The following BCL11A variants were observed in gnomAD, a reference collection of about 807,000 sequenced individuals.
The protein encoded by BCL11A is B cell CLL/lymphoma 11A.
BCL11A carries 2 observed loss-of-function variants against 55.9 expected under a neutral mutation model. That is an observed-to-expected ratio of 0.04 (90% CI 0.01 to 0.11). The LOEUF (loss-of-function observed/expected upper bound fraction) is 0.11. BCL11A is among the 10% of genes least tolerant of loss of function. The pLI, the probability that BCL11A is intolerant of heterozygous loss-of-function variation, is 1.00. For synonymous variants in BCL11A, 465 were observed against 473.4 expected (o/e 0.98, Z 0.23); for missense variants, 817 against 1,137.1 (o/e 0.72, Z 4.05).
Position 60,546,163 on chromosome 2 carries a change from C to T in BCL11A, c.193G>A (p.Glu65Lys). 1.2e-6 allele frequency: 2 copies of T among 1,614,126 alleles called. No homozygotes were observed. The highest frequency in any genetic ancestry group is 1.7e-6 in the Non-Finnish European group (2 of 1,180,018). Residue 65 changes from glutamate to lysine, a missense_variant, in exon 2 of 4, where the codon GAG (glutamate) becomes AAG (lysine). Coordinates refer to ENST00000642384, the MANE Select transcript of BCL11A (RefSeq NM_022893.4). The surrounding 1 kb of genome is among the most constrained non-coding windows in gnomAD (Gnocchi z 4.1). Reference sequence around the variant, plus strand: ...CCATTGCATTGTTTCCGTTTGTGCTCGATAAAAATAAGAATGTCCCCCAAT... The same window carrying T: ...CCATTGCATTGTTTCCGTTTGTGCTTGATAAAAATAAGAATGTCCCCCAAT... ...FPLGDILIFIEHKRKQCNGSL... is the reference protein window; with the variant it reads ...FPLGDILIFIKHKRKQCNGSL...
At chr2:60,489,846 G>A (rs1678519070) in intron 2 of BCL11A, among the ~76,000 whole-genome samples, 1 of 152,158 alleles carries the variant, frequency 6.6e-6, no homozygotes, top group South Asian at 2.1e-4. Flanking sequence ...CACTATTAAA[G>A]AGAGATCACA....
In BCL11A at chr2:60,546,166, T is replaced by C; in HGVS notation, c.190A>G (p.Ile64Val). Residue 64 changes from isoleucine (I) to valine (V), a missense_variant, in exon 2 of 4, where the codon ATC becomes GTC. Ile to Val is a conservative substitution (Grantham distance 29). Transcript: ENST00000642384. This position sits in a 1 kb window ranked among gnomAD's most constrained non-coding sequence, Gnocchi z 4.1. ...TTGCATTGTTTCCGTTTGTGCTCGA[T>C]AAAAATAAGAATGTCCCCCAATGGG... The part of the protein sequence containing the change: ...NFPLGDILIF[I>V]EHKRKQCNGS... The C allele has an allele frequency of 6.2e-7, 1 of 1,614,188 alleles. No homozygotes were observed. Among genetic ancestry groups the C allele is most frequent in the Non-Finnish European group, 8.5e-7 (1 of 1,180,040 alleles).
chr2:60,491,250 T>A (rs1471250959), intron 2 of BCL11A, among the ~76,000 whole-genome samples: 1 of 152,270 alleles, frequency 6.6e-6, no homozygotes, highest in Admixed American at 6.5e-5. Flanking sequence ...TAAAAACGTA[T>A]TCTTAATGCT....
chr2:60,553,564 A>C lies in BCL11A; in HGVS notation c.-294T>G. The C allele has an allele frequency of 2.5e-6, 1 of 403,758 alleles. No individual in the cohort carries two copies. Among genetic ancestry groups the C allele is most frequent in the Non-Finnish European group, 4.2e-6 (1 of 235,480 alleles). 25.0% of individuals were successfully genotyped at this position (403,758 alleles called of 1,614,324 possible). A position where few individuals can be genotyped will look rare whatever the true frequency, so the allele number is the denominator to read the frequency against. The stretch of plus-strand genomic sequence containing the variant: ...GGGAGAGAGAGAGAGAGAGATGAAA[A>C]AAATGGCAAAAGCCCCCCTGAGCTG... On this transcript the variant is annotated 5_prime_UTR_variant, in exon 1 of 4. Transcript: ENST00000642384.
At chr2:60,482,061 A>ATGCCC in intron 2 of BCL11A, among the ~76,000 whole-genome samples, 1 of 152,186 alleles carries the variant, frequency 6.6e-6, no homozygotes, top group Non-Finnish European at 1.5e-5. Context: ...CCAGTTCATC[A>ATGCCC]AGGTCACTTC....
Position 60,459,656 on chromosome 2 carries a change from T to C in BCL11A, c.*748A>G, listed in dbSNP as rs1360030768. ...TATAACAAGTAGAAAGAACCATCGATGTGGTTTTAATAGATCCAAGGCACT... is the reference window on the plus strand; with the variant it reads ...TATAACAAGTAGAAAGAACCATCGACGTGGTTTTAATAGATCCAAGGCACT... On this transcript the variant is annotated 3_prime_UTR_variant, in exon 4 of 4. Transcript: ENST00000642384. The C allele has an allele frequency of 6.8e-6, 7 of 1,032,908 alleles. No homozygotes were observed. The highest frequency in any genetic ancestry group is 8.2e-6 in the Non-Finnish European group (7 of 858,474). The allele number at this position is 1,032,908 out of a possible 1,614,324, so 64.0% of individuals were successfully genotyped here.
Position 60,541,202 on chromosome 2 carries a change from G to A in BCL11A, c.385+4769C>T, listed in dbSNP as rs554175537. Among the ~76,000 whole-genome samples, 15 of 145,472 alleles carry A rather than the reference G, an allele frequency of 1.0e-4. No homozygotes were observed. In the South Asian group the frequency reaches 2.6e-3, roughly 25 times the overall value. On this transcript the variant is annotated intron_variant, in intron 2 of 3. Transcript: ENST00000642384. ...ACACACAGGATGATCTTCATATCAC[G>A]TGGACCTATTCTCAAAACATTATTT...
At chr2:60,484,963 TA>T (rs542222101) in intron 2 of BCL11A, among the ~76,000 whole-genome samples, 4,707 of 109,954 alleles carry the variant, frequency 0.043, 184 homozygotes, top group African/African-American at 0.12. Context: ...GTTTAGGACT[TA>T]AAAAAAAAAA....
Position 60,468,613 on chromosome 2 carries a change from T to C in BCL11A, c.487+119A>G, listed in dbSNP as rs116155709. 5.2e-3 allele frequency: 3,717 copies of C among 717,250 alleles called. 40 individuals are homozygous for C. Among genetic ancestry groups the C allele is most frequent in the Middle Eastern group, 8.4e-3 (22 of 2,610 alleles). 44.4% of individuals were successfully genotyped at this position (717,250 alleles called of 1,614,324 possible). A position where few individuals can be genotyped will look rare whatever the true frequency, so the allele number is the denominator to read the frequency against. ...GGCTGCCAAGTGAGTAATGGAATAA[T>C]ACATATGACAATCTATTTTGGAAGT... On this transcript the variant is annotated intron_variant, in intron 3 of 3. Transcript: ENST00000642384.
chr2:60,455,044 A>G (rs560097227), downstream of BCL11A, among the ~76,000 whole-genome samples: 1 of 152,330 alleles, frequency 6.6e-6, no homozygotes, highest in African/African-American at 2.4e-5. Context: ...GGTCCTAAAC[A>G]AAGAGAGGAT....
intron 2 of BCL11A, among the ~76,000 whole-genome samples, chr2:60,540,581 T>A (rs1669874356): frequency 6.6e-6 from 1 of 152,170 alleles, no homozygotes; most frequent in South Asian, 2.1e-4. Context: ...CATTGAGAAA[T>A]CACAAAAATC....
chr2:60,468,077 A>ATGG (rs1239648926), intron 3 of BCL11A, among the ~76,000 whole-genome samples: 7 of 97,798 alleles, frequency 7.2e-5, no homozygotes, highest in Non-Finnish European at 1.3e-4. Flanking sequence ...GGTGGTAGTG[A>ATGG]TGGTGGTGGT....
At chr2:60,505,232 A>T (rs1183968023) in intron 2 of BCL11A, among the ~76,000 whole-genome samples, 1 of 152,234 alleles carries the variant, frequency 6.6e-6, no homozygotes, top group Non-Finnish European at 1.5e-5. Context: ...TTCATAAGCC[A>T]AAAAAGCTAG....
chr2:60,543,830 GC>G (rs1558514718), intron 2 of BCL11A: 2 of 152,160 alleles, frequency 1.3e-5, no homozygotes. Flanking sequence ...ATCTTAGAGA[GC>G]TTTTCGTCTC....
chr2:60,491,323 C>T (rs1471603474), intron 2 of BCL11A, among the ~76,000 whole-genome samples: 1 of 152,224 alleles, frequency 6.6e-6, no homozygotes, highest in African/African-American at 2.4e-5. Context: ...CAAACATGGA[C>T]ACTTTTGGCC....
At chr2:60,476,397 A>T (rs1677601358) in intron 2 of BCL11A, among the ~76,000 whole-genome samples, 2 of 152,244 alleles carry the variant, frequency 1.3e-5, no homozygotes, top group Non-Finnish European at 1.5e-5. Context: ...GGCTCATGCC[A>T]GAAGTCCAGT....
At chr2:60,486,955 G>C (rs1303152585) in intron 2 of BCL11A, among the ~76,000 whole-genome samples, 1 of 152,194 alleles carries the variant, frequency 6.6e-6, no homozygotes, top group African/African-American at 2.4e-5. Context: ...TTAATTTTAA[G>C]ATTACTATTC....
At chr2:60,466,131 T>C (rs532958678) in intron 3 of BCL11A, among the ~76,000 whole-genome samples, 1 of 152,334 alleles carries the variant, frequency 6.6e-6, no homozygotes, top group Admixed American at 6.5e-5. Flanking sequence ...CAGCAAACTA[T>C]GTACCCTCCC....
At position 60,457,977 on chromosome 2, in the gene BCL11A, A is replaced by C; in HGVS notation, c.*2427T>G. The C allele has an allele frequency of 9.6e-7, 1 of 1,037,732 alleles. No homozygotes were observed. The highest frequency in any genetic ancestry group is 1.2e-6 in the Non-Finnish European group (1 of 861,780). 64.3% of individuals were successfully genotyped at this position (1,037,732 alleles called of 1,614,324 possible). A position where few individuals can be genotyped will look rare whatever the true frequency, so the allele number is the denominator to read the frequency against. On this transcript the variant is annotated 3_prime_UTR_variant, in exon 4 of 4. Coordinates refer to ENST00000642384, the MANE Select transcript of BCL11A (RefSeq NM_022893.4). ...CTTTTTTTTTTTTTTGAAGCATACAAATAATTTGCACTATATTATCCTGCC... is the reference window on the plus strand; with the variant it reads ...CTTTTTTTTTTTTTTGAAGCATACACATAATTTGCACTATATTATCCTGCC...
Sources: allele counts gnomAD v4.1 joint callset (sites outside exome capture counted in the v4.1 genomes callset), GRCh38; gene constraint gnomAD v4.1.1; non-coding constraint Gnocchi (gnomAD v3.1); transcripts MANE v1.5; gene names NCBI Gene and HGNC (gene_info 2026-07-23, HGNC 2026-07-21).